The following LRRC69 variants were observed in gnomAD, a reference collection of about 807,000 sequenced individuals.
The protein encoded by LRRC69 is leucine rich repeat containing 69, also known as leucine-rich repeat-containing protein 69.
LRRC69 carries 42 observed loss-of-function variants against 37.8 expected under a neutral mutation model. That is an observed-to-expected ratio of 1.11 (90% CI 0.87 to 1.44). The LOEUF (loss-of-function observed/expected upper bound fraction) is 1.44. Among genes scored for constraint, LRRC69 ranks in the 40% most tolerant of loss-of-function variants. The probability of loss-of-function intolerance (pLI) is 0.00; values close to 1 mark genes in which losing one functional copy is unlikely to be tolerated. For missense variants in LRRC69, 357 were observed against 401.9 expected (o/e 0.89, Z 0.96); for synonymous variants, 141 against 143.1 (o/e 0.99, Z 0.11).
chr8:91,117,594 CTG>C (rs56405979), intron 1 of LRRC69, among the ~76,000 whole-genome samples: 61,521 of 134,730 alleles, frequency 0.46, 15,265 homozygotes, highest in South Asian at 0.65. Flanking sequence ...ACAGGGATAA[CTG>C]TAAATTCCTA....
chr8:91,124,366 A>T, intron 1 of LRRC69, 127 bp from the exon 2 acceptor site: 2 of 623,606 alleles, frequency 3.2e-6, no homozygotes, highest in Non-Finnish European at 4.8e-6. Flanking sequence ...TAACTGAAAT[A>T]ATTGTTTAAA....
chr8:91,133,241 T>C, exon 4 of LRRC69: 3 of 1,524,634 alleles, frequency 2.0e-6, no homozygotes, highest in Non-Finnish European at 2.6e-6. Context: ...CCTGAAGAGA[T>C]TAAATTCTTG....
chr8:91,191,051 C>CCG (rs910128621), intron 6 of LRRC69, among the ~76,000 whole-genome samples: 1 of 143,024 alleles, frequency 7.0e-6, no homozygotes, highest in Non-Finnish European at 1.5e-5. Context: ...ACCCCCCCCC[C>CCG]CCCAAGTCAA....
intron 5 of LRRC69, among the ~76,000 whole-genome samples, chr8:91,144,443 T>C (rs1808582322): frequency 6.6e-6 from 1 of 152,022 alleles, no homozygotes; most frequent in Non-Finnish European, 1.5e-5. Flanking sequence ...GGGGGTCTCC[T>C]TTCCCTGGCT....
chr8:91,115,903 A>G (rs1265047806), intron 1 of LRRC69, among the ~76,000 whole-genome samples: 1 of 151,842 alleles, frequency 6.6e-6, no homozygotes, highest in African/African-American at 2.4e-5. Context: ...GATCCTGCCA[A>G]TCCCACTCAT....
At chr8:91,175,604 G>T (rs1480987214) in intron 5 of LRRC69, among the ~76,000 whole-genome samples, 1 of 152,004 alleles carries the variant, frequency 6.6e-6, no homozygotes, top group South Asian at 2.1e-4. Context: ...TCAAGCTCTT[G>T]TTCAGTTAGT....
intron 6 of LRRC69, among the ~76,000 whole-genome samples, chr8:91,199,470 T>C (rs1208103215): frequency 6.6e-6 from 1 of 152,198 alleles, no homozygotes; most frequent in Non-Finnish European, 1.5e-5. Flanking sequence ...GACACAGCAA[T>C]TTATAAGATT....
intron 6 of LRRC69, among the ~76,000 whole-genome samples, chr8:91,191,623 G>C (rs1454483576): frequency 6.6e-6 from 1 of 152,142 alleles, no homozygotes; most frequent in Non-Finnish European, 1.5e-5. Flanking sequence ...TATTGGTTCA[G>C]AAAGGGGATA....
At chr8:91,113,680 A>G (rs1249979844) in intron 1 of LRRC69, among the ~76,000 whole-genome samples, 1 of 151,906 alleles carries the variant, frequency 6.6e-6, no homozygotes, top group Non-Finnish European at 1.5e-5. Flanking sequence ...GGTGCCAAAA[A>G]CAAAAGCAAC....
chr8:91,199,747 C>G (rs1586283336), intron 6 of LRRC69, among the ~76,000 whole-genome samples: 1 of 152,008 alleles, frequency 6.6e-6, no homozygotes, highest in East Asian at 1.9e-4. Context: ...ATGCTACTGA[C>G]AAAAACAATG....
In LRRC69 at chr8:91,132,213, C is replaced by G. The variant is rs1339613826; in HGVS notation, c.384-897C>G. The stretch of plus-strand genomic sequence containing the variant: ...TTAGCTTTGCAAACAGACACACCTG[C>G]ATTAGAATTTTGACATTGTTACCTA... On this transcript the variant is annotated intron_variant, in intron 3 of 7. Transcript: ENST00000448384. 2.0e-5 allele frequency among the ~76,000 whole-genome samples: 3 copies of G among 151,912 alleles called. No homozygotes were observed. In the East Asian group the frequency reaches 5.8e-4, roughly 29 times the overall value.
At chr8:91,117,025 T>C (rs1179691152) in intron 1 of LRRC69, among the ~76,000 whole-genome samples, 1 of 152,054 alleles carries the variant, frequency 6.6e-6, no homozygotes, top group Admixed American at 6.6e-5. Flanking sequence ...GCTATAACTT[T>C]CAGGTATGAG....
At chr8:91,188,935 T>C (rs4551303) in intron 5 of LRRC69, among the ~76,000 whole-genome samples, 97,487 of 151,596 alleles carry the variant, frequency 0.64, 31,693 homozygotes, top group Middle Eastern at 0.74. Flanking sequence ...AAGGATTCTC[T>C]TGCCTCAGCC....
chr8:91,213,982 A>G (rs1809987566), intron 7 of LRRC69, among the ~76,000 whole-genome samples: 1 of 152,082 alleles, frequency 6.6e-6, no homozygotes, highest in Non-Finnish European at 1.5e-5. Flanking sequence ...ATGAAACCCT[A>G]CTGAACATGT....
chr8:91,206,603 G>C, intron 7 of LRRC69: 1 of 1,124,244 alleles, frequency 8.9e-7, no homozygotes, highest in Non-Finnish European at 1.2e-6. Context: ...GAACACCTTA[G>C]ACAAGTTGCC....
At chr8:91,159,545 C>G (rs1808899391) in intron 5 of LRRC69, among the ~76,000 whole-genome samples, 1 of 151,130 alleles carries the variant, frequency 6.6e-6, no homozygotes, top group Non-Finnish European at 1.5e-5. Flanking sequence ...TTCACATACA[C>G]TCTAGCTGAA....
intron 6 of LRRC69, among the ~76,000 whole-genome samples, chr8:91,197,558 T>C (rs1407259674): frequency 6.6e-6 from 1 of 152,124 alleles, no homozygotes; most frequent in African/African-American, 2.4e-5. Context: ...CGCCGTTTTT[T>C]AAGCCCGTCG....
At chr8:91,208,777 G>C (rs547926223) in intron 7 of LRRC69, among the ~76,000 whole-genome samples, 1 of 152,146 alleles carries the variant, frequency 6.6e-6, no homozygotes, top group Non-Finnish European at 1.5e-5. Context: ...CCAATGTCCT[G>C]TTTCATGTGG....
chr8:91,142,551 A>G (rs1464568145), intron 5 of LRRC69, among the ~76,000 whole-genome samples: 5 of 152,016 alleles, frequency 3.3e-5, no homozygotes, highest in Admixed American at 3.3e-4. Context: ...TCAAACTTGA[A>G]TGTGCATCAG....
Sources: allele counts gnomAD v4.1 joint callset (sites outside exome capture counted in the v4.1 genomes callset), GRCh38; gene constraint gnomAD v4.1.1; transcripts MANE v1.5; gene names NCBI Gene and HGNC (gene_info 2026-07-23, HGNC 2026-07-21).